Variants in PPIP5K2 observed in about 807,000 individuals in gnomAD.
PPIP5K2 encodes diphosphoinositol pentakisphosphate kinase 2, also known as inositol hexakisphosphate and diphosphoinositol-pentakisphosphate kinase 2.
PPIP5K2 carries 105 observed loss-of-function variants against 154.6 expected under a neutral mutation model. That is an observed-to-expected ratio of 0.68 (90% CI 0.58 to 0.80). PPIP5K2 has a LOEUF of 0.80. Among genes scored for constraint, PPIP5K2 ranks in the 30% least tolerant of loss-of-function variants. PPIP5K2 has a pLI of 0.00. For missense variants in PPIP5K2, 992 were observed against 1,504.6 expected, an observed-to-expected ratio of 0.66 and a Z score of 5.64; for synonymous variants, 480 against 490.3, an observed-to-expected ratio of 0.98 and a Z score of 0.28.
chr5:103,195,771 G>C lies in PPIP5K2; in HGVS notation c.3619+746G>C, dbSNP rs148163415. 2.0e-5 allele frequency among the ~76,000 whole-genome samples: 3 copies of C among 152,114 alleles called. No individual in the cohort carries two copies. In the East Asian group the frequency reaches 5.8e-4, roughly 29 times the overall value. On this transcript the variant is annotated intron_variant, in intron 30 of 30. Transcript: ENST00000358359. ...TTACCATATATCTTTTTTCCTCAGAGAATTTCATATACCTCCAAGGCTTTG... is the reference window on the plus strand; with the variant it reads ...TTACCATATATCTTTTTTCCTCAGACAATTTCATATACCTCCAAGGCTTTG...
rs977135792 is a variant in PPIP5K2 at position 103,186,250 on chromosome 5, A to G, written c.3170-70A>G. ...ATGTGGTAAGAGCCATGTTAATTGC[A>G]TGCTGCATGAATTCCCAATGTGAAT... is the stretch of plus-strand genomic sequence containing the variant. On this transcript the variant is annotated intron_variant, in intron 26 of 30. Transcript: ENST00000358359. 5 of 1,595,180 alleles carry G rather than the reference A, an allele frequency of 3.1e-6. No individual in the cohort carries two copies. The Admixed American group carries it at 5.1e-5, about 16-fold the overall frequency.
In PPIP5K2 at chr5:103,146,682, G is replaced by A. The variant is rs1207035680; in HGVS notation, c.642+1G>A. ...TGGAAGTCAAAGACTCTTTAGAAAG[G>A]TAACACCTTTGTAACTTTTGTATGA... On this transcript the variant is annotated splice_donor_variant, in intron 6 of 30. Coordinates refer to ENST00000358359, the MANE Select transcript of PPIP5K2 (RefSeq NM_001276277.3). LOFTEE classifies it high-confidence loss of function. 3 of 1,603,358 alleles carry A rather than the reference G, an allele frequency of 1.9e-6. No individual in the cohort carries two copies. Among genetic ancestry groups the A allele is most frequent in the East Asian group, 4.5e-5 (2 of 44,586 alleles).
chr5:103,174,525 A>G (rs1316019515), intron 21 of PPIP5K2, among the ~76,000 whole-genome samples: 1 of 151,994 alleles, frequency 6.6e-6, no homozygotes, highest in African/African-American at 2.4e-5. Flanking sequence ...TTGGTGCTTC[A>G]TGTTGGCTGT....
chr5:103,159,451 A>G (rs1580247493), intron 17 of PPIP5K2, 123 bp downstream of exon 17: 2 of 842,606 alleles, frequency 2.4e-6, no homozygotes, highest in Non-Finnish European at 3.3e-6. Context: ...ATCATCCTCC[A>G]GGTAAAGAAA....
Position 103,190,824 on chromosome 5 carries a change from G to A in PPIP5K2, c.3353-18G>A. 1 of 1,549,438 alleles carries A rather than the reference G, an allele frequency of 6.5e-7. No homozygotes were observed. The highest frequency in any genetic ancestry group is 8.7e-7 in the Non-Finnish European group (1 of 1,153,478). ...TATCCATCTTTTATTTTTTGTTTTT[G>A]GTTTTTTTCTCTTCTAGGCTTTGAA... On this transcript the variant is annotated intron_variant, in intron 28 of 30. Coordinates refer to ENST00000358359, the MANE Select transcript of PPIP5K2 (RefSeq NM_001276277.3).
At chr5:103,140,822 A>G (rs1397102640) in intron 5 of PPIP5K2, among the ~76,000 whole-genome samples, 5 of 146,480 alleles carry the variant, frequency 3.4e-5, no homozygotes, top group Non-Finnish European at 7.5e-5. Flanking sequence ...GGGCGACAGA[A>G]CGAGACTCCG....
chr5:103,157,575 C>T (rs1261822953), intron 14 of PPIP5K2, among the ~76,000 whole-genome samples: 4 of 152,070 alleles, frequency 2.6e-5, no homozygotes, highest in Middle Eastern at 3.4e-3. Context: ...GTCAAGATTT[C>T]GAGACCAGCC....
Position 103,180,063 on chromosome 5 carries a change from C to G in PPIP5K2, c.2797C>G (p.Pro933Ala). 1 of 1,585,978 alleles carries G rather than the reference C, an allele frequency of 6.3e-7. No homozygotes were observed. Among genetic ancestry groups the G allele is most frequent in the Non-Finnish European group, 8.6e-7 (1 of 1,168,064 alleles). Reference sequence around the variant, plus strand: ...TTTTAAAATTGATAATGATGATGAACCACATACTTCTAAAAGAGATGAAGT... The same window carrying G: ...TTTTAAAATTGATAATGATGATGAAGCACATACTTCTAAAAGAGATGAAGT... ...RPFKIDNDDE[P>A]HTSKRDEVDR... is the part of the protein sequence containing the mutation. The change falls in exon 24 of 31, where the codon CCA becomes GCA. Residue 933 changes from proline (P) to alanine (A), a missense_variant. Physicochemically the swap from Pro to Ala is conservative, Grantham distance 27. Coordinates refer to ENST00000358359, the MANE Select transcript of PPIP5K2 (RefSeq NM_001276277.3).
At position 103,194,895 on chromosome 5, in the gene PPIP5K2, T is replaced by G; in HGVS notation, c.3494-5T>G. 6.2e-7 allele frequency: 1 copy of G among 1,602,556 alleles called. No individual in the cohort carries two copies. The highest frequency in any genetic ancestry group is 8.5e-7 in the Non-Finnish European group (1 of 1,175,984). On this transcript the variant is annotated splice_region_variant and splice_polypyrimidine_tract_variant and intron_variant, in intron 29 of 30. Transcript: ENST00000358359. ...AAATTAACATGTTTGTTTATTTTTT[T>G]TCAGCCTCTACAGCTTTACGTTCCA...
intron 1 of PPIP5K2, among the ~76,000 whole-genome samples, chr5:103,123,261 A>G (rs1372603646): frequency 1.3e-5 from 2 of 152,230 alleles, no homozygotes; most frequent in African/African-American, 4.8e-5. Flanking sequence ...TTTACAGATG[A>G]TGACTAGAGA....
rs1803282776 is a variant in PPIP5K2 at position 103,203,407 on chromosome 5, C to T, written c.*1773C>T. On this transcript the variant is annotated 3_prime_UTR_variant, in exon 31 of 31. Transcript: ENST00000358359. ...AACTTTTTCCATTGTTATGCAAGAA[C>T]TATTACTTTCCTGTAGTCACCAAAC... 6.6e-6 allele frequency: 1 copy of T among 152,102 alleles called. No individual in the cohort carries two copies. Among genetic ancestry groups the T allele is most frequent in the African/African-American group, 2.4e-5 (1 of 41,426 alleles). The allele number at this position is 152,102 out of a possible 1,614,324, so 9.4% of individuals were successfully genotyped here. A position where few individuals can be genotyped will look rare whatever the true frequency, so the allele number is the denominator to read the frequency against.
chr5:103,169,696 C>T (rs1797671512), intron 19 of PPIP5K2, among the ~76,000 whole-genome samples: 1 of 151,650 alleles, frequency 6.6e-6, no homozygotes, highest in African/African-American at 2.4e-5. Flanking sequence ...ACGAATACGT[C>T]TTTAGGCCTT....
intron 24 of PPIP5K2, 136 bp from the exon 25 acceptor site, chr5:103,183,098 A>G (rs1196372752): frequency 1.2e-6 from 1 of 830,482 alleles, no homozygotes; most frequent in Non-Finnish European, 1.6e-6. Context: ...AAAAAAATTA[A>G]TAAGCAAATA....
chr5:103,129,500 A>T lies in PPIP5K2; in HGVS notation c.-90A>T. On this transcript the variant is annotated 5_prime_UTR_variant, in exon 2 of 31. Transcript: ENST00000358359. Reference sequence around the variant, plus strand: ...GTCACAGACCTGTGCGTCAGCTAATATATGGAGAATGCTTTCTTCTGATAC... The same window carrying T: ...GTCACAGACCTGTGCGTCAGCTAATTTATGGAGAATGCTTTCTTCTGATAC... 1 of 1,055,502 alleles carries T rather than the reference A, an allele frequency of 9.5e-7. No individual in the cohort carries two copies. Among genetic ancestry groups the T allele is most frequent in the Non-Finnish European group, 1.3e-6 (1 of 762,748 alleles). The allele number at this position is 1,055,502 out of a possible 1,614,324, so 65.4% of individuals were successfully genotyped here.
At chr5:103,159,035 A>G (rs1260114658) in intron 16 of PPIP5K2, 111 bp from the exon 17 acceptor site, 1 of 757,610 alleles carries the variant, frequency 1.3e-6, no homozygotes, top group Non-Finnish European at 2.0e-6. Flanking sequence ...GTATTAATAA[A>G]GTTTATTTAT....
At chr5:103,173,078 G>T in intron 19 of PPIP5K2, 77 bp from the exon 20 acceptor site, 2 of 1,200,724 alleles carry the variant, frequency 1.7e-6, no homozygotes, top group South Asian at 3.6e-5. Context: ...TCTCTCACTA[G>T]ACTAATTTAG....
At chr5:103,122,350 G>C (rs1312623079) in intron 1 of PPIP5K2, among the ~76,000 whole-genome samples, 4 of 152,210 alleles carry the variant, frequency 2.6e-5, no homozygotes, top group African/African-American at 9.6e-5. Flanking sequence ...AAGTGTGATA[G>C]TTCTCAGGAA....
At chr5:103,186,568 G>A (rs115071240) in intron 27 of PPIP5K2, 129 bp downstream of exon 27, 16,831 of 1,282,696 alleles carry the variant, frequency 0.013, 150 homozygotes, top group Non-Finnish European at 0.016. Context: ...TTGCCTAAAT[G>A]ACTATCAGTG....
At chr5:103,168,547 C>T (rs371248313) in intron 19 of PPIP5K2, among the ~76,000 whole-genome samples, 2 of 151,712 alleles carry the variant, frequency 1.3e-5, no homozygotes, top group East Asian at 3.9e-4. Flanking sequence ...TTTATGTTCA[C>T]AGCAAAATCA....
Sources: gnomAD v4.1 joint callset for allele counts (sites outside exome capture counted in the v4.1 genomes callset) on GRCh38, gnomAD v4.1.1 for gene constraint, MANE v1.5 for transcripts, NCBI Gene and HGNC (gene_info 2026-07-23, HGNC 2026-07-21) for gene names.